The following TMEM132D variants were observed in gnomAD, a reference collection of about 807,000 sequenced individuals.
The protein encoded by TMEM132D is mature OL transmembrane protein.
In TMEM132D, 21 loss-of-function variants were observed where a neutral mutation model predicts 62.3. The observed-to-expected ratio is 0.34, with a 90% CI of 0.24 to 0.49. The LOEUF (loss-of-function observed/expected upper bound fraction) is 0.49. Ranked by LOEUF, TMEM132D falls within the 20% of genes least tolerant of loss-of-function variation. The pLI is 0.99. For synonymous variants in TMEM132D, 621 were observed against 575.6 expected (o/e 1.08, Z -1.13); for missense variants, 1,346 against 1,402.8 (o/e 0.96, Z 0.65).
At chr12:129,627,880 T>C (rs1879261850) in intron 2 of TMEM132D, among the ~76,000 whole-genome samples, 1 of 151,966 alleles carries the variant, frequency 6.6e-6, no homozygotes, top group South Asian at 2.1e-4. Context: ...CCAGCTACTT[T>C]CAGGGCTGAA....
intron 4 of TMEM132D, among the ~76,000 whole-genome samples, chr12:129,274,123 C>G (rs1284663153): frequency 6.6e-6 from 1 of 151,706 alleles, no homozygotes; most frequent in East Asian, 1.9e-4. Flanking sequence ...AGATATGGAG[C>G]TGAGATGATG....
At chr12:129,321,556 T>C (rs78897997) in intron 4 of TMEM132D, among the ~76,000 whole-genome samples, 1,844 of 151,378 alleles carry the variant, frequency 0.012, 40 homozygotes, top group African/African-American at 0.042. Context: ...ATGAGGCAGA[T>C]CTTTTCTTTT....
chr12:129,526,001 G>T (rs1876024309), intron 3 of TMEM132D, among the ~76,000 whole-genome samples: 1 of 152,178 alleles, frequency 6.6e-6, no homozygotes, highest in Non-Finnish European at 1.5e-5. Flanking sequence ...GGTCTCAGAA[G>T]AGCTGATTGT....
In TMEM132D at chr12:129,723,021, T is replaced by A. The variant is rs1868897649; in HGVS notation, c.80-22323A>T. 2.6e-5 allele frequency among the ~76,000 whole-genome samples: 4 copies of A among 152,192 alleles called. No homozygotes were observed. The South Asian group carries it at 8.3e-4, about 32-fold the overall frequency. On this transcript the variant is annotated intron_variant, in intron 1 of 8. Transcript: ENST00000422113. ...CCTCCCAAAGTGCTGAGATTACAGG[T>A]GTAAGCCACTGTGCCCGGCCGATCC...
intron 1 of TMEM132D, among the ~76,000 whole-genome samples, chr12:129,873,267 G>A (rs2137378798): frequency 6.6e-6 from 1 of 152,204 alleles, no homozygotes; most frequent in African/African-American, 2.4e-5. Flanking sequence ...AGAAGAGGGG[G>A]CCTCCGAACA....
chr12:129,225,851 T>C (rs1376845370), intron 4 of TMEM132D, among the ~76,000 whole-genome samples: 2 of 152,148 alleles, frequency 1.3e-5, no homozygotes, highest in Non-Finnish European at 2.9e-5. Context: ...AACCTGCTGT[T>C]TACCCAGTGG....
At chr12:129,367,796 G>T (rs199611525) in intron 3 of TMEM132D, among the ~76,000 whole-genome samples, 8,028 of 66,578 alleles carry the variant, frequency 0.12, 217 homozygotes, top group African/African-American at 0.17. Flanking sequence ...TTTTTTTTTC[G>T]TTTTTTTGAG....
At chr12:129,292,437 ACC>A (rs1253025238) in intron 4 of TMEM132D, among the ~76,000 whole-genome samples, 1 of 152,140 alleles carries the variant, frequency 6.6e-6, no homozygotes, top group Non-Finnish European at 1.5e-5. Flanking sequence ...ATCAAATCAC[ACC>A]CATGAGCGCA....
At chr12:129,537,801 G>T (rs531488908) in intron 2 of TMEM132D, among the ~76,000 whole-genome samples, 2 of 152,206 alleles carry the variant, frequency 1.3e-5, no homozygotes, top group Non-Finnish European at 2.9e-5. Flanking sequence ...AAGCATGGGG[G>T]TGTGGCCTCC....
At chr12:129,881,523 C>A (rs1351502462) in intron 1 of TMEM132D, among the ~76,000 whole-genome samples, 2 of 151,806 alleles carry the variant, frequency 1.3e-5, no homozygotes, top group Non-Finnish European at 2.9e-5. Context: ...TGATATTAAC[C>A]TAAAAATCGA....
intron 5 of TMEM132D, among the ~76,000 whole-genome samples, chr12:129,188,868 C>T (rs1878302558): frequency 6.6e-6 from 1 of 152,014 alleles, no homozygotes; most frequent in Non-Finnish European, 1.5e-5. Flanking sequence ...TAACTGAGCT[C>T]CCATGTACCT....
At chr12:129,268,871 G>A (rs564014207) in intron 4 of TMEM132D, among the ~76,000 whole-genome samples, 126 of 152,140 alleles carry the variant, frequency 8.3e-4, no homozygotes, top group African/African-American at 3.0e-3. Context: ...TCTTTGTAGG[G>A]ACATGGATGA....
chr12:129,412,080 G>C (rs1322802603), intron 3 of TMEM132D, among the ~76,000 whole-genome samples: 1 of 151,866 alleles, frequency 6.6e-6, no homozygotes, highest in South Asian at 2.1e-4. Context: ...AGAACAATTA[G>C]CCAAGATATC....
intron 4 of TMEM132D, among the ~76,000 whole-genome samples, chr12:129,237,064 G>A (rs1204567453): frequency 1.3e-5 from 2 of 151,998 alleles, no homozygotes; most frequent in East Asian, 1.9e-4. Flanking sequence ...CTTTGCATCC[G>A]GGGGTAAATT....
At chr12:129,319,985 G>A (rs1868630801) in intron 4 of TMEM132D, among the ~76,000 whole-genome samples, 1 of 152,168 alleles carries the variant, frequency 6.6e-6, no homozygotes, top group South Asian at 2.1e-4. Context: ...TTAACTCTCA[G>A]GCTCAAAATC....
At chr12:129,156,128 A>C (rs1189777038) in intron 5 of TMEM132D, among the ~76,000 whole-genome samples, 1 of 151,912 alleles carries the variant, frequency 6.6e-6, no homozygotes, top group African/African-American at 2.4e-5. Flanking sequence ...ACGATAACCA[A>C]CTCACTCCAA....
intron 4 of TMEM132D, among the ~76,000 whole-genome samples, chr12:129,315,776 T>G (rs1177926374): frequency 6.7e-6 from 1 of 148,340 alleles, no homozygotes; most frequent in African/African-American, 2.6e-5. Context: ...GGTCTTGGAC[T>G]TTTTTTGTTG....
chr12:129,154,770 A>G (rs1211530234), intron 5 of TMEM132D, among the ~76,000 whole-genome samples: 1 of 152,116 alleles, frequency 6.6e-6, no homozygotes, highest in Non-Finnish European at 1.5e-5. Flanking sequence ...CTCCTTAGAG[A>G]TGGCAGCTAG....
At chr12:129,389,804 C>T (rs75250425) in intron 3 of TMEM132D, among the ~76,000 whole-genome samples, 13,934 of 152,192 alleles carry the variant, frequency 0.092, 847 homozygotes, top group African/African-American at 0.17. Flanking sequence ...ATTACTTCTT[C>T]CACTAAGAGT....
Sources: gnomAD v4.1 joint callset for allele counts (sites outside exome capture counted in the v4.1 genomes callset) on GRCh38, gnomAD v4.1.1 for gene constraint, MANE v1.5 for transcripts, NCBI Gene and HGNC (gene_info 2026-07-23, HGNC 2026-07-21) for gene names.